The following MAP3K13 variants were observed in gnomAD, a reference collection of about 807,000 sequenced individuals.
MAP3K13 encodes the protein mitogen-activated protein kinase kinase kinase 13.
Under a neutral mutation model 104.0 loss-of-function variants are expected in MAP3K13, and 52 were observed. The observed-to-expected ratio is 0.50, with a 90% CI of 0.40 to 0.63. MAP3K13 has a LOEUF of 0.63. MAP3K13 is among the 20% of genes least tolerant of loss of function. The pLI is 0.00. For synonymous variants in MAP3K13, 394 were observed against 442.2 expected, an observed-to-expected ratio of 0.89 and a Z score of 1.37; for missense variants, 914 against 1,218.5, an observed-to-expected ratio of 0.75 and a Z score of 3.72.
chr3:185,418,862 G>A lies in MAP3K13; in HGVS notation c.-85-9635G>A, dbSNP rs1713960897. ...TGTTCTTGTCTTTTCATCTGTTTTG[G>A]GTTTCAGTTCTCTTAATCATGATCA... On this transcript the variant is annotated intron_variant, in intron 1 of 13. Coordinates refer to ENST00000265026, the MANE Select transcript of MAP3K13 (RefSeq NM_004721.5). The surrounding 1 kb of genome is among the most constrained non-coding windows in gnomAD (Gnocchi z 4.5). 2 of 1,404,014 alleles carry A rather than the reference G, an allele frequency of 1.4e-6. No homozygotes were observed. The highest frequency in any genetic ancestry group is 2.9e-5 in the African/African-American group (2 of 69,508). The allele number at this position is 1,404,014 out of a possible 1,614,324, so 87.0% of individuals were successfully genotyped here. A position where few individuals can be genotyped will look rare whatever the true frequency, so the allele number is the denominator to read the frequency against.
At chr3:185,318,936 C>G (rs1721766684) in intron 2 of MAP3K13, among the ~76,000 whole-genome samples, 1 of 152,120 alleles carries the variant, frequency 6.6e-6, no homozygotes, top group East Asian at 1.9e-4. Flanking sequence ...ATTCCTGATT[C>G]TATACTTTTC....
At chr3:185,290,903 T>G (rs1257967896) in intron 2 of MAP3K13, among the ~76,000 whole-genome samples, 3 of 152,176 alleles carry the variant, frequency 2.0e-5, no homozygotes, top group Non-Finnish European at 2.9e-5. Context: ...TAAAAACCTC[T>G]TCTGAAAAAG....
At chr3:185,391,336 G>A (rs1458206800) in intron 1 of MAP3K13, among the ~76,000 whole-genome samples, 1 of 151,984 alleles carries the variant, frequency 6.6e-6, no homozygotes, top group Non-Finnish European at 1.5e-5. Context: ...TTGTCTTTTT[G>A]CAACTGGCTT....
At position 185,450,980 on chromosome 3, in the gene MAP3K13, C is replaced by T. The variant is rs915038003; in HGVS notation, c.1170-307C>T. Among the ~76,000 whole-genome samples, 1 of 152,184 alleles carries T rather than the reference C, an allele frequency of 6.6e-6. No individual in the cohort carries two copies. Among genetic ancestry groups the T allele is most frequent in the African/African-American group, 2.4e-5 (1 of 41,438 alleles). On this transcript the variant is annotated intron_variant, in intron 6 of 13. Transcript: ENST00000265026. The surrounding 1 kb of genome is among the most constrained non-coding windows in gnomAD (Gnocchi z 4.2). ...TGGCGGGTGCCTGTAGTCCCAGCTA[C>T]TCAGGAGGCTGAGGCAGGAGAATGG...
At chr3:185,354,263 T>C (rs1723255869) in intron 2 of MAP3K13, among the ~76,000 whole-genome samples, 1 of 151,300 alleles carries the variant, frequency 6.6e-6, no homozygotes, top group Admixed American at 6.6e-5. Context: ...GCTAAGGGTC[T>C]GCTCCTACCT....
At chr3:185,379,035 A>G (rs189997002) in intron 1 of MAP3K13, among the ~76,000 whole-genome samples, 22 of 152,248 alleles carry the variant, frequency 1.4e-4, no homozygotes, top group Middle Eastern at 3.4e-3. Flanking sequence ...ATGGTGAAGG[A>G]GGCAAGTTTA....
chr3:185,428,684 G>C lies in MAP3K13; in HGVS notation c.103G>C (p.Gly35Arg). 1 of 1,614,122 alleles carries C rather than the reference G, an allele frequency of 6.2e-7. No individual in the cohort carries two copies. Among genetic ancestry groups the C allele is most frequent in the East Asian group, 2.2e-5 (1 of 44,886 alleles). Reference sequence around the variant, plus strand: ...ACTACAAGATGAGCTCACAGCTATGGGGAACCACCCTTCTCCCAAGCTGCT... The same window carrying C: ...ACTACAAGATGAGCTCACAGCTATGCGGAACCACCCTTCTCCCAAGCTGCT... ...NGLQDELTAM[G>R]NHPSPKLLED... is the part of the protein sequence containing the mutation. The change falls in exon 2 of 14, where the codon GGG (glycine) becomes CGG (arginine). Residue 35 changes from glycine to arginine, a missense_variant. Physicochemically the swap from Gly to Arg is moderately radical, Grantham distance 125 (BLOSUM62 -2). This residue lies in a region of MAP3K13 where 156 missense variants were observed against 159.8 expected (regional missense o/e 0.98). Transcript: ENST00000265026.
Position 185,418,082 on chromosome 3 carries a change from T to C in MAP3K13, c.-85-10415T>C, listed in dbSNP as rs1713894836. The C allele has an allele frequency of 6.2e-7, 1 of 1,611,688 alleles. No individual in the cohort carries two copies. Among genetic ancestry groups the C allele is most frequent in the African/African-American group, 1.3e-5 (1 of 74,856 alleles). On this transcript the variant is annotated intron_variant, in intron 1 of 13. Coordinates refer to ENST00000265026, the MANE Select transcript of MAP3K13 (RefSeq NM_004721.5). This position sits in a 1 kb window ranked among gnomAD's most constrained non-coding sequence, Gnocchi z 4.5. Reference sequence around the variant, plus strand: ...GCAAGCTTCAAAATGTTCAGCTTGCTTACATTAAGCAGAGTAATTCCAGGG... The same window carrying C: ...GCAAGCTTCAAAATGTTCAGCTTGCCTACATTAAGCAGAGTAATTCCAGGG...
In MAP3K13 at chr3:185,405,318, G is replaced by A. The variant is rs141555289; in HGVS notation, c.-85-23179G>A. ...CCAATTACTGTGGTCTTGAACAAAA[G>A]CTTTCTGATCATTGCATAAGTAATG... On this transcript the variant is annotated intron_variant, in intron 1 of 13. Transcript: ENST00000265026. Among the ~76,000 whole-genome samples, 464 of 152,302 alleles carry A rather than the reference G, an allele frequency of 3.0e-3. 7 individuals carry two copies. In the East Asian group the frequency reaches 0.045, roughly 15 times the overall value.
In MAP3K13 at chr3:185,477,398, TA is replaced by T; in HGVS notation, c.2501+6del. 1 of 1,608,916 alleles carries T rather than the reference TA, an allele frequency of 6.2e-7. No individual in the cohort carries two copies. Among genetic ancestry groups the T allele is most frequent in the Non-Finnish European group, 8.5e-7 (1 of 1,175,344 alleles). On this transcript the variant is annotated splice_donor_region_variant and intron_variant, in intron 12 of 13. Coordinates refer to ENST00000265026, the MANE Select transcript of MAP3K13 (RefSeq NM_004721.5). ...AGTTGAATTTCCACGAAGACAGAGG[TA>T]AAACCAACAAATGCACACGATTGCT...
intron 7 of MAP3K13, among the ~76,000 whole-genome samples, chr3:185,453,206 T>C (rs1421613935): frequency 6.6e-6 from 1 of 152,194 alleles, no homozygotes; most frequent in Non-Finnish European, 1.5e-5. Flanking sequence ...GAATTATAGC[T>C]GTATGCTTAT....
chr3:185,349,934 T>C (rs1392457791), intron 2 of MAP3K13, among the ~76,000 whole-genome samples: 1 of 152,222 alleles, frequency 6.6e-6, no homozygotes, highest in African/African-American at 2.4e-5. Context: ...TAGTAAAGAA[T>C]GTCTATTGTT....
intron 1 of MAP3K13, among the ~76,000 whole-genome samples, chr3:185,409,098 T>G (rs1379574979): frequency 2.0e-5 from 3 of 152,230 alleles, no homozygotes; most frequent in African/African-American, 7.2e-5. Context: ...CCAGGCCTGG[T>G]GGCTCATGCC....
At chr3:185,334,828 C>T (rs765811789) in intron 2 of MAP3K13, among the ~76,000 whole-genome samples, 3 of 152,004 alleles carry the variant, frequency 2.0e-5, no homozygotes, top group Non-Finnish European at 2.9e-5. Context: ...AGGCTAGTCT[C>T]GAATTCCTAA....
intron 2 of MAP3K13, among the ~76,000 whole-genome samples, chr3:185,330,088 A>G: frequency 3.7e-5 from 4 of 108,746 alleles, no homozygotes; most frequent in Non-Finnish European, 5.2e-5. Context: ...TTTTTAGTAG[A>G]GATGGGGTTT....
chr3:185,355,225 ACTTTGGGAGGCTGAGGCG>A (rs1250740622), intron 2 of MAP3K13, among the ~76,000 whole-genome samples: 1 of 152,142 alleles, frequency 6.6e-6, no homozygotes, highest in African/African-American at 2.4e-5. Context: ...TAATCCCAGC[ACTTTGGGAGGCTGAGGCG>A]GGCAGATCAC....
rs191335065 is a variant in MAP3K13 at position 185,329,258 on chromosome 3, G to A, written c.-86+43615G>A. On this transcript the variant is annotated intron_variant, in intron 2 of 14. Coordinates refer to the MAP3K13 transcript ENST00000424227. ...ACAGTTAGAAAATAAAAGTGAGTAT[G>A]TACCTAGTGCCGAGAGATTGTTTCT... 26 of 703,110 alleles carry A rather than the reference G, an allele frequency of 3.7e-5. No homozygotes were observed. In the Admixed American group the frequency reaches 5.2e-4, roughly 14 times the overall value. 43.6% of individuals were successfully genotyped at this position (703,110 alleles called of 1,614,324 possible).
chr3:185,405,020 T>C (rs892878940), intron 1 of MAP3K13, among the ~76,000 whole-genome samples: 1 of 152,222 alleles, frequency 6.6e-6, no homozygotes. Flanking sequence ...AAATTGTAAG[T>C]TCTTAGTTGA....
chr3:185,424,083 G>A (rs148099763), intron 1 of MAP3K13, among the ~76,000 whole-genome samples: 1 of 152,326 alleles, frequency 6.6e-6, no homozygotes, highest in Non-Finnish European at 1.5e-5. Context: ...AGTAGTCTGT[G>A]AGCTTCAACA....
Sources: allele counts gnomAD v4.1 joint callset (sites outside exome capture counted in the v4.1 genomes callset), GRCh38; gene constraint gnomAD v4.1.1; regional missense constraint gnomAD v4.1.1; non-coding constraint Gnocchi (gnomAD v3.1); transcripts MANE v1.5; gene names NCBI Gene and HGNC (gene_info 2026-07-23, HGNC 2026-07-21).